The following TENM2 variants were observed in gnomAD, a reference collection of about 807,000 sequenced individuals.
The protein encoded by TENM2 is teneurin transmembrane protein 2.
Under a neutral mutation model 245.2 loss-of-function variants are expected in TENM2, and 52 were observed. The observed-to-expected ratio is 0.21, with a 90% CI of 0.17 to 0.27. The LOEUF is 0.27. TENM2 is among the 10% of genes least tolerant of loss of function. The probability of loss-of-function intolerance (pLI) is 1.00; values close to 1 mark genes in which losing one functional copy is unlikely to be tolerated. For synonymous variants in TENM2, 1,363 were observed against 1,438.9 expected, an observed-to-expected ratio of 0.95 and a Z score of 1.19; for missense variants, 3,046 against 3,666.8, an observed-to-expected ratio of 0.83 and a Z score of 4.37.
intron 2 of TENM2, among the ~76,000 whole-genome samples, chr5:167,385,551 T>C (rs1172382407): frequency 6.6e-6 from 1 of 151,734 alleles, no homozygotes; most frequent in Non-Finnish European, 1.5e-5. Flanking sequence ...AGGTGGTGTT[T>C]GGTTACATGA....
At chr5:167,981,370 C>G (rs1188934635) in intron 4 of TENM2, among the ~76,000 whole-genome samples, 1 of 152,168 alleles carries the variant, frequency 6.6e-6, no homozygotes, top group African/African-American at 2.4e-5. Flanking sequence ...TAGGTGAAGC[C>G]TGGAAGAGAA....
chr5:167,080,621 T>C, the TENM2 span, among the ~76,000 whole-genome samples: 1 of 151,882 alleles, frequency 6.6e-6, no homozygotes, highest in Admixed American at 6.6e-5. Context: ...CTAAAATAAA[T>C]AAACAAATGA....
chr5:168,065,868 C>G (rs370597208), intron 7 of TENM2, among the ~76,000 whole-genome samples: 2 of 109,050 alleles, frequency 1.8e-5, no homozygotes. Context: ...TTTTTTTTTT[C>G]TTGTTTATGC....
intron 2 of TENM2, among the ~76,000 whole-genome samples, chr5:167,422,060 G>T (rs184888916): frequency 6.6e-6 from 1 of 152,144 alleles, no homozygotes; most frequent in Admixed American, 6.5e-5. Context: ...AAAGTGCTGG[G>T]ATTACAGGCG....
intron 2 of TENM2, among the ~76,000 whole-genome samples, chr5:167,736,955 G>A (rs1486231386): frequency 1.3e-5 from 2 of 152,190 alleles, no homozygotes; most frequent in Admixed American, 1.3e-4. Flanking sequence ...TCTGGCTGCA[G>A]AAAAGCACAA....
intron 2 of TENM2, among the ~76,000 whole-genome samples, chr5:167,476,861 A>G (rs1043324221): frequency 6.6e-6 from 1 of 152,128 alleles, no homozygotes; most frequent in Admixed American, 6.6e-5. Context: ...GGCCTCCCAA[A>G]GTGCTGGGAT....
At chr5:166,985,853 G>T in the TENM2 span, among the ~76,000 whole-genome samples, 1 of 152,136 alleles carries the variant, frequency 6.6e-6, no homozygotes, top group East Asian at 1.9e-4. Flanking sequence ...CCAAAAAAGT[G>T]ACAGGTGTTT....
intron 5 of TENM2, among the ~76,000 whole-genome samples, chr5:168,015,460 A>C (rs1427410002): frequency 6.6e-6 from 1 of 152,244 alleles, no homozygotes; most frequent in Non-Finnish European, 1.5e-5. Flanking sequence ...TCGGCACTGC[A>C]GCAGAGAACG....
intron 9 of TENM2, among the ~76,000 whole-genome samples, chr5:168,112,423 T>A (rs1264883652): frequency 2.6e-5 from 4 of 152,102 alleles, no homozygotes; most frequent in African/African-American, 9.7e-5. Flanking sequence ...TCCCTGTATG[T>A]GTCCATGTGT....
At chr5:167,414,372 G>C (rs1395724903) in intron 2 of TENM2, among the ~76,000 whole-genome samples, 2 of 152,098 alleles carry the variant, frequency 1.3e-5, no homozygotes, top group Non-Finnish European at 2.9e-5. Flanking sequence ...AATCTTTACT[G>C]TAGAAGGATC....
chr5:168,033,657 G>A (rs976821470), intron 5 of TENM2, among the ~76,000 whole-genome samples: 1 of 152,072 alleles, frequency 6.6e-6, no homozygotes, highest in Admixed American at 6.6e-5. Context: ...GCTTATGCTA[G>A]CTGTGGGGAC....
chr5:168,072,252 A>G (rs1375108715), intron 7 of TENM2, among the ~76,000 whole-genome samples: 10 of 152,156 alleles, frequency 6.6e-5, no homozygotes, highest in African/African-American at 2.2e-4. Flanking sequence ...TTCTGGCCCT[A>G]TGGTGCAGCC....
intron 4 of TENM2, among the ~76,000 whole-genome samples, chr5:167,958,465 C>G (rs532479011): frequency 2.6e-5 from 4 of 152,248 alleles, no homozygotes; most frequent in Admixed American, 1.3e-4. Context: ...ATTGGGGCAT[C>G]TAGCCTCTTT....
chr5:167,983,562 C>T (rs1783006128), intron 4 of TENM2, among the ~76,000 whole-genome samples: 1 of 152,122 alleles, frequency 6.6e-6, no homozygotes, highest in Non-Finnish European at 1.5e-5. Context: ...GATGAGAAAC[C>T]TTGAAAGCCT....
chr5:167,993,239 C>A (rs980645349), intron 5 of TENM2, 57 bp downstream of exon 7: 2 of 1,427,314 alleles, frequency 1.4e-6, no homozygotes, highest in Non-Finnish European at 2.0e-6. Flanking sequence ...AGGGGAGAGG[C>A]CATGGACTTG....
intron 12 of TENM2, among the ~76,000 whole-genome samples, chr5:168,158,143 G>A (rs1462377142): frequency 1.3e-5 from 2 of 152,064 alleles, no homozygotes; most frequent in African/African-American, 2.4e-5. Flanking sequence ...GGCTGGTCTC[G>A]AACTCCGGAC....
At chr5:167,958,740 G>T (rs1245225933) in intron 4 of TENM2, among the ~76,000 whole-genome samples, 1 of 152,124 alleles carries the variant, frequency 6.6e-6, no homozygotes, top group African/African-American at 2.4e-5. Flanking sequence ...TGCTTATGAA[G>T]CTTAGTTTGA....
At chr5:167,309,594 G>C (rs1019432606) in intron 1 of TENM2, among the ~76,000 whole-genome samples, 1 of 151,962 alleles carries the variant, frequency 6.6e-6, no homozygotes, top group African/African-American at 2.4e-5. Context: ...CAAACCTTAG[G>C]GCTATGGAAA....
chr5:167,197,875 T>G, the TENM2 span, among the ~76,000 whole-genome samples: 12 of 151,704 alleles, frequency 7.9e-5, no homozygotes, highest in Admixed American at 3.3e-4. Flanking sequence ...TGTGTATATA[T>G]AGAGAGTATA....
Sources: allele counts gnomAD v4.1 joint callset (sites outside exome capture counted in the v4.1 genomes callset), GRCh38; gene constraint gnomAD v4.1.1; transcripts MANE v1.5; gene names NCBI Gene and HGNC (gene_info 2026-07-23, HGNC 2026-07-21).